SNPH: variants seen among roughly 807,000 people sequenced by gnomAD.
SNPH encodes syntaphilin.
A neutral mutation model predicts 36.8 loss-of-function variants in SNPH; 10 were observed. The observed-to-expected ratio is 0.27, with a 90% CI of 0.17 to 0.46. SNPH has a LOEUF of 0.46. Ranked by LOEUF, SNPH falls within the 20% of genes least tolerant of loss-of-function variation. The pLI is 1.00. For missense variants in SNPH, 622 were observed against 744.0 expected (o/e 0.84, Z 1.91); for synonymous variants, 281 against 312.2 (o/e 0.90, Z 1.05).
chr20:1,296,298 G>GC lies in SNPH; in HGVS notation c.65dup (p.Thr23AsnfsTer31). ...TGGCCTGGCCCGGCCCTTTCTGCGG[G>GC]CCCCCCAACCCGCCCTCTCTCCTCA... is the stretch of plus-strand genomic sequence containing the variant. On this transcript the variant is annotated frameshift_variant, in exon 4 of 7. Coordinates refer to ENST00000381867, the MANE Select transcript of SNPH (RefSeq NM_001318234.2). LOFTEE classifies it high-confidence loss of function. 3.8e-6 allele frequency: 6 copies of GC among 1,578,576 alleles called. No homozygotes were observed. Among genetic ancestry groups the GC allele is most frequent in the East Asian group, 2.4e-5 (1 of 41,298 alleles).
chr20:1,293,571 A>T (rs1224963225), intron 2 of SNPH, among the ~76,000 whole-genome samples: 1 of 152,102 alleles, frequency 6.6e-6, no homozygotes, highest in Admixed American at 6.5e-5. Flanking sequence ...AGAGCACAGG[A>T]TGCACACTGA....
chr20:1,305,413 G>A lies in SNPH; in HGVS notation c.976G>A (p.Gly326Ser), dbSNP rs150050410. ...GGAGACCTCGCTGCACAGCTCCTTC[G>A]GCCTGGGCCCCCGCTTCCCTGCCAG... ...TEETSLHSSF[G>S]LGPRFPASNT... The change falls in exon 7 of 7, where the codon GGC (glycine) becomes AGC (serine). Residue 326 changes from glycine to serine, a missense_variant. Coordinates refer to ENST00000381867, the MANE Select transcript of SNPH (RefSeq NM_001318234.2). The A allele has an allele frequency of 3.2e-4, 513 of 1,613,052 alleles. 2 individuals are homozygous for A. In the African/African-American group the frequency reaches 4.3e-3, roughly 14 times the overall value.
At chr20:1,292,367 C>T (rs1195616592) in intron 2 of SNPH, among the ~76,000 whole-genome samples, 1 of 152,180 alleles carries the variant, frequency 6.6e-6, no homozygotes, top group African/African-American at 2.4e-5. Flanking sequence ...ATCAGAGAGC[C>T]AGTTGGAAAG....
chr20:1,296,259 G>A lies in SNPH; in HGVS notation c.20G>A (p.Ser7Asn). 2 of 1,541,378 alleles carry A rather than the reference G, an allele frequency of 1.3e-6. No individual in the cohort carries two copies. Among genetic ancestry groups the A allele is most frequent in the Non-Finnish European group, 1.7e-6 (2 of 1,144,978 alleles). The change falls in exon 4 of 7, where the codon AGC becomes AAC. Residue 7 changes from serine to asparagine, a missense_variant. This residue lies in a region of SNPH where 187 missense variants were observed against 209.4 expected (regional missense o/e 0.89). Coordinates refer to ENST00000381867, the MANE Select transcript of SNPH (RefSeq NM_001318234.2). MPGSGP[S>N]ERMTWPGPAL... ...GAAGCCATGCCGGGCAGCGGCCCCA[G>A]CGAGAGGATGACGTGGCCTGGCCCG...
chr20:1,297,341 C>A, intron 5 of SNPH, 89 bp downstream of exon 5: 1 of 1,237,936 alleles, frequency 8.1e-7, no homozygotes, highest in Non-Finnish European at 1.1e-6. Flanking sequence ...GGGTCGTGTT[C>A]TAACCACCCC....
At chr20:1,298,319 C>A (rs2088464391) in intron 5 of SNPH, among the ~76,000 whole-genome samples, 1 of 152,204 alleles carries the variant, frequency 6.6e-6, no homozygotes, top group South Asian at 2.1e-4. Flanking sequence ...CCAGGAGATG[C>A]CCAGCCTGTG....
At chr20:1,300,813 G>T in intron 6 of SNPH, 102 bp downstream of exon 6, 1 of 1,202,644 alleles carries the variant, frequency 8.3e-7, no homozygotes, top group Non-Finnish European at 1.1e-6. Flanking sequence ...GTGGCTGGGG[G>T]TCTCCCAGCA....
At chr20:1,300,503 A>G in intron 5 of SNPH, 59 bp from the exon 6 acceptor site, 1 of 1,598,410 alleles carries the variant, frequency 6.3e-7, no homozygotes, top group East Asian at 2.2e-5. Flanking sequence ...CCAGAGGTAA[A>G]GCACCTGTGC....
In SNPH at chr20:1,304,553, A is replaced by G. The variant is rs1189975529; in HGVS notation, c.441-325A>G. Among the ~76,000 whole-genome samples, 2 of 148,284 alleles carry G rather than the reference A, an allele frequency of 1.3e-5. No homozygotes were observed. Among genetic ancestry groups the G allele is most frequent in the African/African-American group, 2.5e-5 (1 of 40,504 alleles). ...ATCTTTGTTGTCTAGTCTCTTCTCT[A>G]GATGATGGATTTGAATGTTGAGAGT... On this transcript the variant is annotated intron_variant, in intron 6 of 6. Transcript: ENST00000381867. The surrounding 1 kb of genome is among the most constrained non-coding windows in gnomAD (Gnocchi z 4.3).
Position 1,276,679 on chromosome 20 carries a change from G to A in SNPH, c.-493+9919G>A, listed in dbSNP as rs904650771. ...AATAAATGCCAGTACCCTTTCATCCGTGTTGTATAGGAATCACTTTATAAC... is the reference window on the plus strand; with the variant it reads ...AATAAATGCCAGTACCCTTTCATCCATGTTGTATAGGAATCACTTTATAAC... On this transcript the variant is annotated intron_variant, in intron 2 of 6. Coordinates refer to ENST00000381867, the MANE Select transcript of SNPH (RefSeq NM_001318234.2). The surrounding 1 kb of genome is among the most constrained non-coding windows in gnomAD (Gnocchi z 4.6). Among the ~76,000 whole-genome samples the A allele has an allele frequency of 1.3e-5, 2 of 152,140 alleles. No homozygotes were observed. Among genetic ancestry groups the A allele is most frequent in the South Asian group, 2.1e-4 (1 of 4,818 alleles).
At chr20:1,303,922 G>A (rs758940481) in intron 6 of SNPH, among the ~76,000 whole-genome samples, 5 of 152,100 alleles carry the variant, frequency 3.3e-5, no homozygotes, top group Non-Finnish European at 7.4e-5. Context: ...ACGTCTCCTG[G>A]ATGATTTTCC....
At chr20:1,277,473 G>T (rs936232255) in intron 2 of SNPH, among the ~76,000 whole-genome samples, 7 of 143,874 alleles carry the variant, frequency 4.9e-5, no homozygotes, top group Admixed American at 1.4e-4. Context: ...CTGTGTGTGT[G>T]TCTGTCTGTG....
chr20:1,306,278 G>T lies in SNPH; in HGVS notation c.*224G>T. 2.3e-6 allele frequency: 1 copy of T among 432,046 alleles called. No individual in the cohort carries two copies. Among genetic ancestry groups the T allele is most frequent in the Non-Finnish European group, 4.0e-6 (1 of 252,200 alleles). 26.8% of individuals were successfully genotyped at this position (432,046 alleles called of 1,614,324 possible). ...AGGGAAGGGGGACCCAAGGCAGGAGGTACACCAGCTGGACAAATTGCAGGG... is the reference window on the plus strand; with the variant it reads ...AGGGAAGGGGGACCCAAGGCAGGAGTTACACCAGCTGGACAAATTGCAGGG... On this transcript the variant is annotated 3_prime_UTR_variant, in exon 7 of 7. Coordinates refer to ENST00000381867, the MANE Select transcript of SNPH (RefSeq NM_001318234.2).
At chr20:1,299,777 C>T (rs111363199) in intron 5 of SNPH, among the ~76,000 whole-genome samples, 24 of 152,194 alleles carry the variant, frequency 1.6e-4, no homozygotes, top group Admixed American at 9.2e-4. Flanking sequence ...TGAGTACCTG[C>T]GAGGCACAAG....
At chr20:1,298,546 G>A (rs1309942557) in intron 5 of SNPH, among the ~76,000 whole-genome samples, 2 of 152,222 alleles carry the variant, frequency 1.3e-5, no homozygotes, top group African/African-American at 4.8e-5. Context: ...TTTACATTTT[G>A]AAAACTATAT....
At chr20:1,277,160 G>C (rs979992390) in intron 2 of SNPH, among the ~76,000 whole-genome samples, 1 of 152,170 alleles carries the variant, frequency 6.6e-6, no homozygotes, top group Non-Finnish European at 1.5e-5. Context: ...TACCACGGCT[G>C]CTAGAAATAA....
At position 1,289,474 on chromosome 20, in the gene SNPH, C is replaced by G. The variant is rs565710004; in HGVS notation, c.-492-5477C>G. 2.4e-4 allele frequency among the ~76,000 whole-genome samples: 37 copies of G among 151,324 alleles called. 1 individual carries two copies. In the South Asian group the frequency reaches 7.2e-3, roughly 29 times the overall value. Reference sequence around the variant, plus strand: ...GAAGAGTCTCTACCCCTTTCTGGACCATGCCTGTCTTTTTATTAATGCAAC... The same window carrying G: ...GAAGAGTCTCTACCCCTTTCTGGACGATGCCTGTCTTTTTATTAATGCAAC... On this transcript the variant is annotated intron_variant, in intron 2 of 6. Transcript: ENST00000381867.
chr20:1,289,646 A>G (rs988722938), intron 2 of SNPH, among the ~76,000 whole-genome samples: 2 of 151,274 alleles, frequency 1.3e-5, no homozygotes, highest in Admixed American at 1.3e-4. Context: ...GGAGATTGAG[A>G]CCACCAAGAG....
chr20:1,304,732 T>G lies in SNPH; in HGVS notation c.441-146T>G. 1 of 683,934 alleles carries G rather than the reference T, an allele frequency of 1.5e-6. No individual in the cohort carries two copies. The highest frequency in any genetic ancestry group is 2.5e-6 in the Non-Finnish European group (1 of 405,708). The allele number at this position is 683,934 out of a possible 1,614,324, so 42.4% of individuals were successfully genotyped here. The stretch of plus-strand genomic sequence containing the variant: ...ACTCCCCACTATAATAAGAAGGCAT[T>G]GAGTTTGTCCTTCTGTTTTGGGTTC... On this transcript the variant is annotated intron_variant, in intron 6 of 6. Transcript: ENST00000381867. This position sits in a 1 kb window ranked among gnomAD's most constrained non-coding sequence, Gnocchi z 4.3.
Sources: gnomAD v4.1 joint callset for allele counts (sites outside exome capture counted in the v4.1 genomes callset) on GRCh38, gnomAD v4.1.1 for gene constraint, gnomAD v4.1.1 regional missense constraint, Gnocchi (gnomAD v3.1) non-coding constraint, MANE v1.5 for transcripts, NCBI Gene and HGNC (gene_info 2026-07-23, HGNC 2026-07-21) for gene names.